Variants in ROBO2 observed in about 807,000 individuals in gnomAD.
The protein encoded by ROBO2 is roundabout homolog 2.
ROBO2 carries 53 observed loss-of-function variants against 160.8 expected under a neutral mutation model. That is an observed-to-expected ratio of 0.33 (90% CI 0.26 to 0.41). ROBO2 has a LOEUF of 0.41. Among genes scored for constraint, ROBO2 ranks in the 10% least tolerant of loss-of-function variants. The probability of loss-of-function intolerance (pLI) is 1.00; values close to 1 mark genes in which losing one functional copy is unlikely to be tolerated. For missense variants in ROBO2, 1,577 were observed against 1,722.4 expected (o/e 0.92, Z 1.49); for synonymous variants, 664 against 611.7 (o/e 1.09, Z -1.26).
At chr3:77,082,082 A>G (rs1436027604) in intron 1 of ROBO2, among the ~76,000 whole-genome samples, 1 of 152,228 alleles carries the variant, frequency 6.6e-6, no homozygotes, top group Non-Finnish European at 1.5e-5. Context: ...TAACTTGGTC[A>G]TAATAAGAGA....
intron 2 of ROBO2, among the ~76,000 whole-genome samples, chr3:77,234,493 A>G (rs1239207416): frequency 6.6e-6 from 1 of 152,214 alleles, no homozygotes; most frequent in South Asian, 2.1e-4. Flanking sequence ...AATTAGGTGA[A>G]TCGCACAGAC....
intron 2 of ROBO2, among the ~76,000 whole-genome samples, chr3:76,651,361 G>A (rs1322235033): frequency 2.0e-5 from 3 of 152,048 alleles, no homozygotes; most frequent in Admixed American, 1.3e-4. Context: ...AGCTTGGCCA[G>A]GCCAGGCTCA....
chr3:76,048,477 A>G (rs576589734), intron 2 of ROBO2, among the ~76,000 whole-genome samples: 1 of 152,310 alleles, frequency 6.6e-6, no homozygotes, highest in Non-Finnish European at 1.5e-5. Flanking sequence ...TTGTACATAA[A>G]CTGCAAATAT....
At chr3:77,228,676 A>G (rs2086789291) in intron 2 of ROBO2, among the ~76,000 whole-genome samples, 1 of 152,098 alleles carries the variant, frequency 6.6e-6, no homozygotes, top group Non-Finnish European at 1.5e-5. Flanking sequence ...AACATGGCAC[A>G]TGTATACCTA....
intron 2 of ROBO2, among the ~76,000 whole-genome samples, chr3:77,470,181 A>G (rs2083213614): frequency 6.6e-6 from 1 of 152,218 alleles, no homozygotes; most frequent in Non-Finnish European, 1.5e-5. Context: ...CTGGTTCCAA[A>G]CAACATTTGA....
chr3:76,429,048 T>C (rs1411469005), intron 2 of ROBO2, among the ~76,000 whole-genome samples: 3 of 152,176 alleles, frequency 2.0e-5, no homozygotes, highest in African/African-American at 7.2e-5. Flanking sequence ...AGTCTCTCCT[T>C]AGGAAAACAT....
chr3:77,007,292 C>A (rs2061631314), intron 2 of ROBO2, among the ~76,000 whole-genome samples: 2 of 152,104 alleles, frequency 1.3e-5, no homozygotes, highest in Non-Finnish European at 2.9e-5. Flanking sequence ...GAATTCATCA[C>A]CAACGACAGA....
chr3:76,988,525 C>T (rs911163692), intron 2 of ROBO2, among the ~76,000 whole-genome samples: 1 of 152,098 alleles, frequency 6.6e-6, no homozygotes, highest in African/African-American at 2.4e-5. Context: ...GAAGACAGTA[C>T]TCTTATTTTC....
At chr3:75,909,918 C>A (rs1227083588) in intron 1 of ROBO2, among the ~76,000 whole-genome samples, 1 of 152,150 alleles carries the variant, frequency 6.6e-6, no homozygotes, top group Non-Finnish European at 1.5e-5. Context: ...AGCAAGAGGG[C>A]TTTGCATATA....
At chr3:77,596,703 A>G in exon 19 of ROBO2, 4 of 1,613,854 alleles carry the variant, frequency 2.5e-6, no homozygotes, top group East Asian at 2.2e-5. Context: ...TTGCCAGTAA[A>G]TAATAGCAAC....
intron 2 of ROBO2, among the ~76,000 whole-genome samples, chr3:76,804,414 T>C (rs1370925388): frequency 1.3e-5 from 2 of 152,174 alleles, no homozygotes; most frequent in Admixed American, 6.5e-5. Flanking sequence ...CAGTCGGTTT[T>C]CTAACAAGGA....
In ROBO2 at chr3:77,190,625, G is replaced by A. The variant is rs551065643; in HGVS notation, c.388+92285G>A. ...AGGCAGAGTCTAGCAAGGAAGTCTT[G>A]TGTTTTGGCTGAACATACTCTGGAC... is the stretch of plus-strand genomic sequence containing the variant. On this transcript the variant is annotated intron_variant, in intron 2 of 25. Transcript: ENST00000461745. 5.3e-4 allele frequency among the ~76,000 whole-genome samples: 80 copies of A among 152,124 alleles called. 2 individuals carry two copies. In the South Asian group the frequency reaches 0.015, roughly 29 times the overall value.
chr3:76,668,374 T>C (rs1197335890), intron 2 of ROBO2, among the ~76,000 whole-genome samples: 4 of 152,166 alleles, frequency 2.6e-5, no homozygotes, highest in Non-Finnish European at 4.4e-5. Flanking sequence ...TCCCAAAGTA[T>C]TGGAATTACA....
chr3:77,294,317 G>A (rs2061741947), intron 2 of ROBO2, among the ~76,000 whole-genome samples: 1 of 143,166 alleles, frequency 7.0e-6, no homozygotes, highest in African/African-American at 2.7e-5. Context: ...GGTTAAACGG[G>A]TAAGCTGAGG....
intron 2 of ROBO2, among the ~76,000 whole-genome samples, chr3:76,924,894 A>G (rs1429183964): frequency 6.6e-6 from 1 of 152,264 alleles, no homozygotes. Flanking sequence ...AATGCAAAAC[A>G]TAGTGACTCA....
rs1320341829 is a variant in ROBO2, at chr3:76,881,355, G to A, written c.110-216659G>A. Among the ~76,000 whole-genome samples, 8 of 152,124 alleles carry A rather than the reference G, an allele frequency of 5.3e-5. No individual in the cohort carries two copies. In the South Asian group the frequency reaches 8.3e-4, roughly 16 times the overall value. ...TGAACAGTGAAGTAAATATAAAGAC[G>A]TTTAGAGTGACTGAATGTGGAAATG... is the stretch of plus-strand genomic sequence containing the variant. On this transcript the variant is annotated intron_variant, in intron 2 of 26. Transcript: ENST00000487694.
At chr3:76,958,351 C>A (rs2079425437) in intron 2 of ROBO2, among the ~76,000 whole-genome samples, 1 of 152,160 alleles carries the variant, frequency 6.6e-6, no homozygotes, top group African/African-American at 2.4e-5. Context: ...ACAGAACAGC[C>A]CCTGTTCAGA....
At chr3:77,232,225 T>TG (rs1334469720) in intron 2 of ROBO2, among the ~76,000 whole-genome samples, 3 of 152,136 alleles carry the variant, frequency 2.0e-5, no homozygotes, top group Non-Finnish European at 4.4e-5. Flanking sequence ...TAATTTAAGT[T>TG]GGTGGTTAAA....
chr3:76,169,672 T>A (rs1423567439), intron 2 of ROBO2, among the ~76,000 whole-genome samples: 1 of 152,230 alleles, frequency 6.6e-6, no homozygotes, highest in African/African-American at 2.4e-5. Flanking sequence ...TAATCATTGA[T>A]AATAAATCAT....
Sources: gnomAD v4.1 joint callset for allele counts (sites outside exome capture counted in the v4.1 genomes callset) on GRCh38, gnomAD v4.1.1 for gene constraint, MANE v1.5 for transcripts, NCBI Gene and HGNC (gene_info 2026-07-23, HGNC 2026-07-21) for gene names.